The following NDUFAF7 variants were observed in gnomAD, a reference collection of about 807,000 sequenced individuals.
NDUFAF7 encodes the protein protein arginine methyltransferase NDUFAF7, mitochondrial.
NDUFAF7 carries 48 observed loss-of-function variants against 47.2 expected under a neutral mutation model. The ratio of observed to expected loss-of-function variants is 1.02; its 90% CI spans 0.81 to 1.29. NDUFAF7 has a LOEUF of 1.29. Among genes scored for constraint, NDUFAF7 ranks in the 50% most tolerant of loss-of-function variants. NDUFAF7 has a pLI of 0.00. For missense variants in NDUFAF7, 635 were observed against 537.6 expected, an observed-to-expected ratio of 1.18 and a Z score of -1.79; for synonymous variants, 217 against 190.0, an observed-to-expected ratio of 1.14 and a Z score of -1.17.
At chr2:37,266,532 G>T in the NDUFAF7 span, among the ~76,000 whole-genome samples, 5 of 151,808 alleles carry the variant, frequency 3.3e-5, no homozygotes, top group Non-Finnish European at 7.4e-5. Context: ...TGTTGCCCAG[G>T]CTGGAGTGCA....
rs1666617644 is a variant in NDUFAF7, at chr2:37,243,790, A to G, written c.682-73A>G. 5 of 1,087,198 alleles carry G rather than the reference A, an allele frequency of 4.6e-6. No homozygotes were observed. In the Admixed American group the frequency reaches 9.4e-5, roughly 20 times the overall value. 67.3% of individuals were successfully genotyped at this position (1,087,198 alleles called of 1,614,324 possible). On this transcript the variant is annotated intron_variant, in intron 6 of 9. Transcript: ENST00000002125. ...AGTTACTTATGGTAAGAGGAGAAAA[A>G]GCTATTTTTGGTAGAAGCAATGTAG... is the stretch of plus-strand genomic sequence containing the variant.
the NDUFAF7 span, chr2:37,260,234 T>G: frequency 2.5e-6 from 4 of 1,609,076 alleles, no homozygotes; most frequent in East Asian, 2.2e-5. Context: ...TGTGTGACCA[T>G]GAATTTAGTA....
chr2:37,247,967 C>A (rs557574519), intron 9 of NDUFAF7, among the ~76,000 whole-genome samples, 168 bp from the exon 10 acceptor site: 1 of 152,312 alleles, frequency 6.6e-6, no homozygotes, highest in South Asian at 2.1e-4. Context: ...AGGTTTGTTT[C>A]ACACCAATCT....
At chr2:37,238,109 T>C (rs1665980899) in intron 4 of NDUFAF7, among the ~76,000 whole-genome samples, 1 of 150,498 alleles carries the variant, frequency 6.6e-6, no homozygotes, top group South Asian at 2.1e-4. Context: ...TATGGGAGAG[T>C]GTATTTGTTT....
the NDUFAF7 span, chr2:37,269,806 T>G: frequency 4.1e-6 from 3 of 727,948 alleles, no homozygotes; most frequent in African/African-American, 5.3e-5. Context: ...CTAATTTCCA[T>G]AAAGTGCAAA....
the NDUFAF7 span, chr2:37,268,194 C>T: frequency 5.0e-6 from 2 of 404,038 alleles, no homozygotes; most frequent in Non-Finnish European, 1.0e-5. Context: ...CTCTTCTCTA[C>T]ATAGCTATTT....
intron 7 of NDUFAF7, among the ~76,000 whole-genome samples, chr2:37,245,025 C>G (rs903940829): frequency 1.3e-5 from 2 of 152,220 alleles, no homozygotes; most frequent in East Asian, 3.8e-4. Context: ...AGCGTGTCCA[C>G]TGATGCCTGA....
At chr2:37,263,085 GTTTA>G in the NDUFAF7 span, among the ~76,000 whole-genome samples, 9 of 151,216 alleles carry the variant, frequency 6.0e-5, no homozygotes, top group East Asian at 1.4e-3. Context: ...CTTTCTTTAG[GTTTA>G]TTTTATTGTT....
Position 37,246,213 on chromosome 2 carries a change from A to G in NDUFAF7, c.936+18A>G. On this transcript the variant is annotated intron_variant, in intron 8 of 9. Coordinates refer to ENST00000002125, the MANE Select transcript of NDUFAF7 (RefSeq NM_144736.5). ...CCTTCAGAGTATGTATAATTCAGTAACATGATTTATCAGAATTTCAGTGTT... is the reference window on the plus strand; with the variant it reads ...CCTTCAGAGTATGTATAATTCAGTAGCATGATTTATCAGAATTTCAGTGTT... 5 of 1,612,992 alleles carry G rather than the reference A, an allele frequency of 3.1e-6. No individual in the cohort carries two copies. The highest frequency in any genetic ancestry group is 4.2e-6 in the Non-Finnish European group (5 of 1,179,238).
chr2:37,264,170 T>G, the NDUFAF7 span, among the ~76,000 whole-genome samples: 1 of 150,688 alleles, frequency 6.6e-6, no homozygotes, highest in African/African-American at 2.5e-5. Context: ...ACAGTTTATG[T>G]AGGCATGGCT....
chr2:37,258,800 A>T, the NDUFAF7 span, among the ~76,000 whole-genome samples: 1 of 152,210 alleles, frequency 6.6e-6, no homozygotes, highest in Non-Finnish European at 1.5e-5. Context: ...AGTTATATTT[A>T]CCAAGTGAAA....
chr2:37,248,056 TGA>T, intron 9 of NDUFAF7, 77 bp from the exon 10 acceptor site: 1 of 1,131,442 alleles, frequency 8.8e-7, no homozygotes, highest in Non-Finnish European at 1.3e-6. Flanking sequence ...TTGGAATATT[TGA>T]GAGTCATTAG....
intron 4 of NDUFAF7, among the ~76,000 whole-genome samples, chr2:37,238,539 C>T (rs1666029747): frequency 6.6e-6 from 1 of 151,350 alleles, no homozygotes; most frequent in Non-Finnish European, 1.5e-5. Flanking sequence ...TTGCTTGAGG[C>T]CAAGAGTTCA....
At chr2:37,253,434 G>C (rs928976227), downstream of NDUFAF7, 31 of 1,170,640 alleles carry the variant, frequency 2.6e-5, no homozygotes, top group Non-Finnish European at 3.7e-5. Context: ...TTTTTTTGTT[G>C]TTGTTTAGTG....
At chr2:37,264,210 C>T in the NDUFAF7 span, among the ~76,000 whole-genome samples, 13,873 of 152,152 alleles carry the variant, frequency 0.091, 717 homozygotes, top group African/African-American at 0.13. Flanking sequence ...TATAGACATA[C>T]ATAATGTACA....
chr2:37,261,801 G>A, the NDUFAF7 span, among the ~76,000 whole-genome samples: 8 of 143,436 alleles, frequency 5.6e-5, no homozygotes, highest in African/African-American at 2.1e-4. Flanking sequence ...AAACCCAGAC[G>A]GTCCCCAACT....
chr2:37,233,179 T>G (rs1327192538), intron 2 of NDUFAF7, among the ~76,000 whole-genome samples: 1 of 152,194 alleles, frequency 6.6e-6, no homozygotes, highest in Non-Finnish European at 1.5e-5. Context: ...CTTGAGCAGT[T>G]GGGTGATGAT....
chr2:37,242,744 G>C, intron 6 of NDUFAF7, 51 bp downstream of exon 6: 1 of 1,356,940 alleles, frequency 7.4e-7, no homozygotes, highest in Non-Finnish European at 1.1e-6. Context: ...AAAAGGCATT[G>C]TGTTGCCAAT....
chr2:37,257,754 A>G (rs1668098191), downstream of NDUFAF7, among the ~76,000 whole-genome samples: 1 of 151,564 alleles, frequency 6.6e-6, no homozygotes, highest in Admixed American at 6.6e-5. Flanking sequence ...TTTCCTAAGG[A>G]TGTTATAAAC....
Sources: allele counts gnomAD v4.1 joint callset (sites outside exome capture counted in the v4.1 genomes callset), GRCh38; gene constraint gnomAD v4.1.1; transcripts MANE v1.5; gene names NCBI Gene and HGNC (gene_info 2026-07-23, HGNC 2026-07-21).